ANKRD36C: variants seen among roughly 807,000 people sequenced by gnomAD.
ANKRD36C encodes ankyrin repeat domain-containing protein 36C.
Under a neutral mutation model 276.4 loss-of-function variants are expected in ANKRD36C, and 61 were observed. The observed-to-expected ratio is 0.22, with a 90% confidence interval of 0.18 to 0.27. ANKRD36C has a LOEUF of 0.27. ANKRD36C is among the 10% of genes least tolerant of loss of function. The pLI is 1.00. For synonymous variants in ANKRD36C, 483 were observed against 680.1 expected (o/e 0.71, Z 4.51); for missense variants, 1,447 against 2,032.3 (o/e 0.71, Z 5.54).
intron 4 of ANKRD36C, among the ~76,000 whole-genome samples, chr2:95,981,609 TTA>T (rs747427863): frequency 6.1e-5 from 9 of 147,452 alleles, no homozygotes; most frequent in Admixed American, 1.4e-4. Context: ...CATTCTAACA[TTA>T]TATATATATA....
chr2:95,979,129 A>G (rs1203568924), intron 5 of ANKRD36C, among the ~76,000 whole-genome samples: 1 of 152,030 alleles, frequency 6.6e-6, no homozygotes, highest in Non-Finnish European at 1.5e-5. Context: ...ACAACACCCC[A>G]TGTGTTACTT....
At chr2:95,924,123 T>A (rs572366511) in intron 30 of ANKRD36C, among the ~76,000 whole-genome samples, 84 of 151,814 alleles carry the variant, frequency 5.5e-4, no homozygotes, top group African/African-American at 2.0e-3. Flanking sequence ...TTAACTTGCC[T>A]GATAACTGAG....
intron 1 of ANKRD36C, among the ~76,000 whole-genome samples, chr2:95,989,866 A>T (rs1679101778): frequency 6.6e-6 from 1 of 152,162 alleles, no homozygotes; most frequent in African/African-American, 2.4e-5. Context: ...CAGGAACACT[A>T]AATATTTTTT....
At chr2:95,936,113 A>G in intron 22 of ANKRD36C, among the ~76,000 whole-genome samples, 1 of 152,426 alleles carries the variant, frequency 6.6e-6, no homozygotes, top group South Asian at 2.1e-4. Context: ...TCTCAACTTT[A>G]GCCCTCCTGC....
At chr2:95,964,290 A>G (rs952430396) in intron 6 of ANKRD36C, among the ~76,000 whole-genome samples, 3 of 151,554 alleles carry the variant, frequency 2.0e-5, no homozygotes, top group Non-Finnish European at 4.4e-5. Context: ...GAGAAATGAA[A>G]CCCTGTGGGT....
intron 36 of ANKRD36C, among the ~76,000 whole-genome samples, chr2:95,917,175 A>G (rs1322929719): frequency 1.3e-5 from 2 of 151,566 alleles, no homozygotes; most frequent in Non-Finnish European, 3.0e-5. Flanking sequence ...TCTGATGCCT[A>G]ATAGTAACAA....
At chr2:95,973,366 T>C (rs1037758013) in intron 6 of ANKRD36C, among the ~76,000 whole-genome samples, 4 of 148,804 alleles carry the variant, frequency 2.7e-5, no homozygotes, top group Admixed American at 6.7e-5. Flanking sequence ...GAGCCAAGAT[T>C]GTGCCACCGC....
At chr2:95,920,034 C>G (rs1308788645) in intron 34 of ANKRD36C, 114 bp from the exon 35 acceptor site, 4 of 1,202,388 alleles carry the variant, frequency 3.3e-6, no homozygotes, top group Non-Finnish European at 3.4e-6. Context: ...AGTGTAGGCT[C>G]TGATGTCTTC....
intron 59 of ANKRD36C, among the ~76,000 whole-genome samples, chr2:95,873,085 G>C (rs1168345211): frequency 6.6e-6 from 1 of 152,144 alleles, no homozygotes; most frequent in East Asian, 1.9e-4. Flanking sequence ...TTCTACCAGA[G>C]GTACAAGGAG....
At chr2:95,949,334 A>T (rs980218191) in intron 16 of ANKRD36C, among the ~76,000 whole-genome samples, 10 of 152,340 alleles carry the variant, frequency 6.6e-5, no homozygotes, top group Admixed American at 2.0e-4. Flanking sequence ...AAGAACCTTC[A>T]TAGACACTCA....
intron 42 of ANKRD36C, 109 bp from the exon 47 acceptor site, chr2:95,908,806 A>G: frequency 6.6e-7 from 1 of 1,508,208 alleles, no homozygotes; most frequent in Non-Finnish European, 9.0e-7. Flanking sequence ...GTATTAGCGT[A>G]GGCTTTGATG....
chr2:95,893,200 G>C (rs1434407397), intron 44 of ANKRD36C, among the ~76,000 whole-genome samples: 1 of 151,286 alleles, frequency 6.6e-6, no homozygotes, highest in Non-Finnish European at 1.5e-5. Context: ...CTGTAAAATC[G>C]ATACTTCCTC....
chr2:95,890,070 C>T lies in ANKRD36C; in HGVS notation c.2858-76G>A, dbSNP rs1676302777. ...TATTCATACATTCATACAGTGTTAG[C>T]ATCAATCTCTGTCCTCCTGCCTGTA... On this transcript the variant is annotated intron_variant, in intron 46 of 66. Coordinates refer to ENST00000456556, the Ensembl canonical transcript of ANKRD36C. The T allele has an allele frequency of 3.9e-6, 6 of 1,534,364 alleles. No individual in the cohort carries two copies. In the Admixed American group the frequency reaches 1.0e-4, roughly 26 times the overall value.
In ANKRD36C at chr2:95,951,406, A is replaced by T. The variant is rs539427232; in HGVS notation, c.1206T>A (p.Ile402=). 10 of 1,486,406 alleles carry T rather than the reference A, an allele frequency of 6.7e-6. No homozygotes were observed. The African/African-American group carries it at 1.2e-4, about 19-fold the overall frequency. 92.1% of individuals were successfully genotyped at this position (1,486,406 alleles called of 1,614,324 possible). A position where few individuals can be genotyped will look rare whatever the true frequency, so the allele number is the denominator to read the frequency against. Residue 402 remains isoleucine (I), a splice_region_variant and synonymous_variant, in exon 15 of 67, where the codon ATT becomes ATA. Coordinates refer to ENST00000456556, the Ensembl canonical transcript of ANKRD36C. ...TCTTTGGGATGTATAGTTTTGAAAT[A>T]ATCTAGAAGAAAAACACAATAGGTT... is the stretch of plus-strand genomic sequence containing the variant.
intron 66 of ANKRD36C, 69 bp downstream of exon 86, chr2:95,851,625 T>C (rs79568702): frequency 7.7e-7 from 1 of 1,299,654 alleles, no homozygotes; most frequent in South Asian, 1.3e-5. Flanking sequence ...GGACAAGGGA[T>C]ATTTAACCCG....
chr2:95,966,922 G>C (rs372855382), intron 6 of ANKRD36C, among the ~76,000 whole-genome samples: 2 of 152,000 alleles, frequency 1.3e-5, no homozygotes, highest in African/African-American at 4.8e-5. Flanking sequence ...CTCTTTGTAG[G>C]AATTGTGTAT....
At chr2:95,883,769 A>G (rs1470558087) in intron 54 of ANKRD36C, among the ~76,000 whole-genome samples, 4 of 152,030 alleles carry the variant, frequency 2.6e-5, no homozygotes, top group Admixed American at 6.6e-5. Context: ...TTCTTGTTCT[A>G]CAGTGTTTAT....
Position 95,903,450 on chromosome 2 carries a change from C to T in ANKRD36C, c.2654-4114G>A, listed in dbSNP as rs867052963. ...AGCAGGTGCTACATGATCCCACTTA[C>T]CTTTCATGCAACAAATTAAAAGGAT... On this transcript the variant is annotated intron_variant, in intron 42 of 66. Transcript: ENST00000456556. Among the ~76,000 whole-genome samples, 87 of 145,968 alleles carry T rather than the reference C, an allele frequency of 6.0e-4. 1 individual carries two copies. Among genetic ancestry groups the T allele is most frequent in the South Asian group, 3.9e-3 (18 of 4,588 alleles).
chr2:95,990,355 C>T (rs1159520596), intron 1 of ANKRD36C, among the ~76,000 whole-genome samples: 1 of 152,172 alleles, frequency 6.6e-6, no homozygotes, highest in African/African-American at 2.4e-5. Flanking sequence ...CTTGTAATTG[C>T]GGCAAAAACC....
Sources: allele counts gnomAD v4.1 joint callset (sites outside exome capture counted in the v4.1 genomes callset), GRCh38; gene constraint gnomAD v4.1.1; transcripts MANE v1.5; gene names NCBI Gene and HGNC (gene_info 2026-07-23, HGNC 2026-07-21).